WWOX: variants seen among roughly 807,000 people sequenced by gnomAD.
WWOX encodes WW domain containing oxidoreductase.
WWOX carries 69 observed loss-of-function variants against 46.2 expected under a neutral mutation model. The ratio of observed to expected loss-of-function variants is 1.49; its 90% CI spans 1.23 to 1.82. The LOEUF is 1.82. Among genes scored for constraint, WWOX ranks in the 40% most tolerant of loss-of-function variants. WWOX has a pLI of 0.00. For missense variants in WWOX, 919 were observed against 542.6 expected (o/e 1.69, Z -6.89); for synonymous variants, 359 against 202.6 (o/e 1.77, Z -6.56).
At chr16:78,944,413 G>C (rs2045910400) in intron 8 of WWOX, among the ~76,000 whole-genome samples, 1 of 152,116 alleles carries the variant, frequency 6.6e-6, no homozygotes, top group African/African-American at 2.4e-5. Context: ...CAGTTGAATG[G>C]AGTCAAATTA....
intron 8 of WWOX, among the ~76,000 whole-genome samples, chr16:78,637,984 A>T (rs907604983): frequency 6.6e-6 from 1 of 152,102 alleles, no homozygotes; most frequent in Admixed American, 6.5e-5. Context: ...AATCACTTTC[A>T]ACTTGCTCAC....
At chr16:78,900,174 C>T (rs1409624681) in intron 8 of WWOX, among the ~76,000 whole-genome samples, 1 of 150,766 alleles carries the variant, frequency 6.6e-6, no homozygotes, top group African/African-American at 2.4e-5. Context: ...ATCATTTTGC[C>T]AGAGTAGGGT....
intron 8 of WWOX, among the ~76,000 whole-genome samples, chr16:79,196,684 C>T (rs1191453738): frequency 6.6e-6 from 1 of 152,122 alleles, no homozygotes; most frequent in Non-Finnish European, 1.5e-5. Flanking sequence ...CTCCAGACCC[C>T]CAGGGATTCA....
intron 8 of WWOX, among the ~76,000 whole-genome samples, chr16:78,817,172 CTTTTTTTTT>C (rs33981779): frequency 2.7e-4 from 14 of 51,582 alleles, no homozygotes; most frequent in African/African-American, 5.9e-4. Flanking sequence ...TAGTGCTATT[CTTTTTTTTT>C]TTTTTTTTTT....
At chr16:78,677,823 C>T (rs2047639267) in intron 8 of WWOX, among the ~76,000 whole-genome samples, 1 of 152,140 alleles carries the variant, frequency 6.6e-6, no homozygotes, top group African/African-American at 2.4e-5. Flanking sequence ...ATTGTATTTC[C>T]TTTATGGTGT....
At chr16:78,864,985 A>G (rs1466222818) in intron 8 of WWOX, among the ~76,000 whole-genome samples, 3 of 149,696 alleles carry the variant, frequency 2.0e-5, no homozygotes, top group Non-Finnish European at 3.0e-5. Flanking sequence ...CTGGTCTTGA[A>G]CTCCTGACCT....
At chr16:78,684,361 G>A (rs1007245743) in intron 8 of WWOX, among the ~76,000 whole-genome samples, 1 of 152,196 alleles carries the variant, frequency 6.6e-6, no homozygotes, top group Non-Finnish European at 1.5e-5. Flanking sequence ...TATGAACCAT[G>A]AGGGTTTTCC....
intron 5 of WWOX, among the ~76,000 whole-genome samples, chr16:78,182,969 A>G (rs2035580481): frequency 1.2e-5 from 1 of 80,332 alleles, no homozygotes; most frequent in South Asian, 3.0e-4. Context: ...AAAAAAAAAG[A>G]AAGAAAGAAA....
chr16:79,196,044 C>T (rs577985599), intron 8 of WWOX, among the ~76,000 whole-genome samples: 2 of 152,172 alleles, frequency 1.3e-5, no homozygotes, highest in Non-Finnish European at 2.9e-5. Context: ...GCAATTTAAT[C>T]AGTAGGAACC....
intron 5 of WWOX, among the ~76,000 whole-genome samples, chr16:78,312,484 T>C: frequency 6.6e-6 from 1 of 151,696 alleles, no homozygotes; most frequent in East Asian, 2.0e-4. Context: ...TTCAAGCAGT[T>C]CTGCCTCAGC....
At chr16:78,244,550 G>C (rs1045580439) in intron 5 of WWOX, among the ~76,000 whole-genome samples, 2 of 152,106 alleles carry the variant, frequency 1.3e-5, no homozygotes, top group African/African-American at 2.4e-5. Flanking sequence ...TTTTAGTCAC[G>C]TTGGCCTGCG....
In WWOX at chr16:78,490,380, A is replaced by G. The variant is rs2084750725; in HGVS notation, c.1056+57628A>G. On this transcript the variant is annotated intron_variant, in intron 8 of 8. Transcript: ENST00000566780. ...TCATGTGTTATTCATGTATGTGCAC[A>G]TGTGTTTATGCAGTTACCTTTGTCT... is the stretch of plus-strand genomic sequence containing the variant. 2.0e-5 allele frequency among the ~76,000 whole-genome samples: 3 copies of G among 152,180 alleles called. No homozygotes were observed. In the South Asian group the frequency reaches 6.2e-4, roughly 32 times the overall value.
chr16:78,379,644 C>A (rs543833039), intron 5 of WWOX, among the ~76,000 whole-genome samples: 1 of 152,172 alleles, frequency 6.6e-6, no homozygotes, highest in Non-Finnish European at 1.5e-5. Flanking sequence ...GAAGCATGCT[C>A]CGTAAGACCC....
chr16:79,013,064 G>A (rs1380839375), intron 8 of WWOX, among the ~76,000 whole-genome samples: 1 of 152,124 alleles, frequency 6.6e-6, no homozygotes, highest in African/African-American at 2.4e-5. Context: ...GCAAGACTCC[G>A]TTTCACAAAA....
At chr16:78,522,165 C>T (rs372971592) in intron 8 of WWOX, among the ~76,000 whole-genome samples, 11 of 147,192 alleles carry the variant, frequency 7.5e-5, no homozygotes. Context: ...AAAAAAACTT[C>T]AGAAGCTGAT....
At chr16:78,157,364 T>C (rs1190752950) in intron 4 of WWOX, among the ~76,000 whole-genome samples, 1 of 152,144 alleles carries the variant, frequency 6.6e-6, no homozygotes, top group Non-Finnish European at 1.5e-5. Context: ...TCTCTCATTT[T>C]CCCCAAATGA....
intron 1 of WWOX, among the ~76,000 whole-genome samples, chr16:78,104,686 G>A (rs2032030688): frequency 6.6e-6 from 1 of 152,170 alleles, no homozygotes; most frequent in South Asian, 2.1e-4. Flanking sequence ...ATAGGAGAAT[G>A]CTTAGGGGAC....
Position 78,115,021 on chromosome 16 carries a change from T to C in WWOX, c.276T>C (p.Phe92=), listed in dbSNP as rs747453899. Residue 92 remains phenylalanine (F), a synonymous_variant, in exon 4 of 9, where the codon TTT becomes TTC. Transcript: ENST00000566780. The part of the protein sequence containing the change: ...RTTYLDPRLA[F]TVDDNPTKPT... ...CCTACTTGGACCCAAGACTGGCGTT[T>C]ACTGTGGATGATAATCCGACCAAGC... The C allele has an allele frequency of 3.7e-6, 6 of 1,614,094 alleles. No homozygotes were observed. Among genetic ancestry groups the C allele is most frequent in the Non-Finnish European group, 5.1e-6 (6 of 1,180,044 alleles).
chr16:78,480,675 C>A (rs554129643), intron 8 of WWOX, among the ~76,000 whole-genome samples: 1 of 152,242 alleles, frequency 6.6e-6, no homozygotes, highest in South Asian at 2.1e-4. Flanking sequence ...ACACAGGTAC[C>A]CTCTCCAGTC....
Sources: gnomAD v4.1 joint callset for allele counts (sites outside exome capture counted in the v4.1 genomes callset) on GRCh38, gnomAD v4.1.1 for gene constraint, MANE v1.5 for transcripts, NCBI Gene and HGNC (gene_info 2026-07-23, HGNC 2026-07-21) for gene names.